Variants in CSMD1 observed in about 807,000 individuals in gnomAD.
CSMD1 encodes the protein CUB and Sushi multiple domains 1.
Under a neutral mutation model 417.5 loss-of-function variants are expected in CSMD1, and 213 were observed. The observed-to-expected ratio is 0.51, with a 90% CI of 0.46 to 0.57. CSMD1 has a LOEUF of 0.57. Among genes scored for constraint, CSMD1 ranks in the 20% least tolerant of loss-of-function variants. CSMD1 has a pLI of 0.00. For missense variants in CSMD1, 6,923 were observed against 4,529.7 expected (o/e 1.53, Z -15.17); for synonymous variants, 2,862 against 1,736.8 (o/e 1.65, Z -16.11).
At position 4,175,932 on chromosome 8, in the gene CSMD1, G is replaced by A. The variant is rs550799029; in HGVS notation, c.416-143833C>T. Among the ~76,000 whole-genome samples, 4 of 152,220 alleles carry A rather than the reference G, an allele frequency of 2.6e-5. No homozygotes were observed. In the East Asian group the frequency reaches 5.8e-4, roughly 22 times the overall value. ...CACTTTTCTGTGTGGTCACTGTGCA[G>A]GTGCTGTCGACATTGGTGGCATGGG... On this transcript the variant is annotated intron_variant, in intron 3 of 69. Coordinates refer to ENST00000635120, the MANE Select transcript of CSMD1 (RefSeq NM_033225.6).
At chr8:4,569,601 T>G (rs1261088293) in intron 2 of CSMD1, among the ~76,000 whole-genome samples, 1 of 152,162 alleles carries the variant, frequency 6.6e-6, no homozygotes, top group African/African-American at 2.4e-5. Flanking sequence ...TTGTTCTTTT[T>G]GCTTAGGATT....
chr8:4,815,116 A>G (rs866477690), intron 1 of CSMD1, among the ~76,000 whole-genome samples: 5 of 152,154 alleles, frequency 3.3e-5, no homozygotes, highest in Admixed American at 2.0e-4. Flanking sequence ...TTCTGACTCA[A>G]TCAATGACAT....
At chr8:2,975,929 G>C (rs947898283) in intron 55 of CSMD1, among the ~76,000 whole-genome samples, 4 of 152,078 alleles carry the variant, frequency 2.6e-5, no homozygotes, top group African/African-American at 9.7e-5. Context: ...AAACCAAATG[G>C]AAGTCTCACA....
At chr8:4,923,703 G>C (rs1806654885) in intron 1 of CSMD1, among the ~76,000 whole-genome samples, 1 of 152,142 alleles carries the variant, frequency 6.6e-6, no homozygotes, top group Non-Finnish European at 1.5e-5. Context: ...GGGACTATCA[G>C]TGCTTGGGAG....
At chr8:3,207,447 T>C (rs1797366272) in intron 30 of CSMD1, among the ~76,000 whole-genome samples, 1 of 151,908 alleles carries the variant, frequency 6.6e-6, no homozygotes, top group East Asian at 1.9e-4. Context: ...CCGGCCACAA[T>C]GGCAATTTTC....
intron 1 of CSMD1, among the ~76,000 whole-genome samples, chr8:4,681,852 T>A (rs1806072059): frequency 6.6e-6 from 1 of 152,002 alleles, no homozygotes; most frequent in African/African-American, 2.4e-5. Flanking sequence ...CTCCGTAAGG[T>A]GAGGAAGGTA....
intron 3 of CSMD1, among the ~76,000 whole-genome samples, chr8:4,402,479 G>A (rs138929622): frequency 1.6e-3 from 248 of 152,224 alleles, no homozygotes; most frequent in African/African-American, 5.8e-3. Flanking sequence ...CTCTCTGTAT[G>A]TTCATGACCA....
intron 5 of CSMD1, among the ~76,000 whole-genome samples, chr8:3,780,810 T>C (rs1048799067): frequency 3.9e-5 from 6 of 152,192 alleles, no homozygotes; most frequent in Admixed American, 1.3e-4. Context: ...CAGCTGGCCC[T>C]AGTGCTTTGC....
chr8:4,343,159 T>C (rs1800577215), intron 3 of CSMD1, among the ~76,000 whole-genome samples: 1 of 152,150 alleles, frequency 6.6e-6, no homozygotes, highest in Non-Finnish European at 1.5e-5. Context: ...ATGGGCAATG[T>C]ATTTGGTAAA....
At chr8:3,814,471 C>A (rs571852076) in intron 5 of CSMD1, among the ~76,000 whole-genome samples, 2 of 152,170 alleles carry the variant, frequency 1.3e-5, no homozygotes, top group African/African-American at 4.8e-5. Context: ...TTTGCACACT[C>A]CATAGCTTTC....
At chr8:3,507,341 T>A (rs1326072907) in intron 10 of CSMD1, among the ~76,000 whole-genome samples, 1 of 152,218 alleles carries the variant, frequency 6.6e-6, no homozygotes, top group Non-Finnish European at 1.5e-5. Flanking sequence ...AACTCATCAT[T>A]TTTTATGGCA....
chr8:3,835,838 T>G (rs947538923), intron 5 of CSMD1, among the ~76,000 whole-genome samples: 3 of 152,270 alleles, frequency 2.0e-5, no homozygotes, highest in African/African-American at 7.2e-5. Context: ...CTTCTGTTCC[T>G]TAGTTCTTCT....
chr8:3,766,491 GGGAGACACCC>G (rs1798275690), intron 5 of CSMD1, among the ~76,000 whole-genome samples: 1 of 152,096 alleles, frequency 6.6e-6, no homozygotes, highest in African/African-American at 2.4e-5. Flanking sequence ...GAAACAAACA[GGGAGACACCC>G]TTTGCCTCCT....
In CSMD1 at chr8:3,991,953, G is replaced by T. The variant is rs1311768109; in HGVS notation, c.818+5950C>A. The stretch of plus-strand genomic sequence containing the variant: ...TTTTCTTGTTATATAACAAACACTC[G>T]GTGATTATTAAATGTTTTTTTACAA... On this transcript the variant is annotated intron_variant, in intron 5 of 69. Transcript: ENST00000635120. Among the ~76,000 whole-genome samples the T allele has an allele frequency of 3.3e-5, 5 of 151,466 alleles. No homozygotes were observed. The East Asian group carries it at 9.8e-4, about 30-fold the overall frequency.
At chr8:4,730,707 C>G (rs183031301) in intron 1 of CSMD1, among the ~76,000 whole-genome samples, 91 of 151,688 alleles carry the variant, frequency 6.0e-4, no homozygotes, top group Non-Finnish European at 1.0e-3. Context: ...TGCCACTGCA[C>G]TCCAGCCTGG....
intron 8 of CSMD1, among the ~76,000 whole-genome samples, chr8:3,596,137 G>A (rs962165140): frequency 6.6e-6 from 1 of 152,188 alleles, no homozygotes; most frequent in Non-Finnish European, 1.5e-5. Flanking sequence ...TAGCTCGAGG[G>A]AGGAAACAGT....
chr8:4,431,292 C>G (rs1448416468), intron 2 of CSMD1, among the ~76,000 whole-genome samples: 2 of 152,064 alleles, frequency 1.3e-5, no homozygotes, highest in Admixed American at 6.6e-5. Flanking sequence ...TTTATCATAT[C>G]TCACAAACTG....
At chr8:4,410,702 T>A (rs891580698) in intron 3 of CSMD1, among the ~76,000 whole-genome samples, 1 of 151,934 alleles carries the variant, frequency 6.6e-6, no homozygotes, top group Non-Finnish European at 1.5e-5. Context: ...AATAAAAAAA[T>A]CTTGGGAGAG....
chr8:4,222,107 A>C (rs79594789), intron 3 of CSMD1, among the ~76,000 whole-genome samples: 1 of 38,474 alleles, frequency 2.6e-5, no homozygotes, highest in South Asian at 4.5e-4. Context: ...CAAACCAACA[A>C]AAAAAAAAAA....
Sources: gnomAD v4.1 joint callset for allele counts (sites outside exome capture counted in the v4.1 genomes callset) on GRCh38, gnomAD v4.1.1 for gene constraint, MANE v1.5 for transcripts, NCBI Gene and HGNC (gene_info 2026-07-23, HGNC 2026-07-21) for gene names.